Variants in ADGRV1 observed in about 807,000 individuals in gnomAD.
ADGRV1 encodes the protein adhesion G protein-coupled receptor V1.
Under a neutral mutation model 596.2 loss-of-function variants are expected in ADGRV1, and 359 were observed. That is an observed-to-expected ratio of 0.60 (90% CI 0.55 to 0.66). ADGRV1 has a LOEUF of 0.66. Among genes scored for constraint, ADGRV1 ranks in the 30% least tolerant of loss-of-function variants. The pLI, the probability that ADGRV1 is intolerant of heterozygous loss-of-function variation, is 0.00. For missense variants in ADGRV1, 7,274 were observed against 7,575.6 expected (o/e 0.96, Z 1.48); for synonymous variants, 2,681 against 2,679.2 (o/e 1.00, Z -0.02).
At chr5:90,764,499 A>G (rs1373704418) in intron 59 of ADGRV1, among the ~76,000 whole-genome samples, 1 of 152,206 alleles carries the variant, frequency 6.6e-6, no homozygotes, top group Non-Finnish European at 1.5e-5. Flanking sequence ...TGTGTCTGCA[A>G]CAGTCTAGAG....
chr5:91,126,305 C>T (rs1162499819), intron 87 of ADGRV1, among the ~76,000 whole-genome samples: 1 of 152,230 alleles, frequency 6.6e-6, no homozygotes, highest in African/African-American at 2.4e-5. Flanking sequence ...GTTAACACCT[C>T]AACCCAAACT....
intron 58 of ADGRV1, 142 bp downstream of exon 58, chr5:90,759,730 C>A (rs1019775916): frequency 2.7e-5 from 19 of 699,294 alleles, no homozygotes; most frequent in African/African-American, 7.1e-5. Context: ...CTTTGGGAGG[C>A]CGCAGCGGGC....
chr5:90,748,240 AGCTAAGC>A (rs1198889209), intron 52 of ADGRV1, among the ~76,000 whole-genome samples: 1 of 152,156 alleles, frequency 6.6e-6, no homozygotes, highest in Non-Finnish European at 1.5e-5. Flanking sequence ...CCATTCCTGG[AGCTAAGC>A]GTAGTAGATC....
At chr5:90,618,089 G>A in intron 3 of ADGRV1, 136 bp downstream of exon 3, 1 of 573,976 alleles carries the variant, frequency 1.7e-6, no homozygotes, top group East Asian at 3.0e-5. Context: ...ATAGAATCCA[G>A]AACTGACAAC....
chr5:90,844,702 C>G (rs1765712930), intron 78 of ADGRV1, among the ~76,000 whole-genome samples: 1 of 152,124 alleles, frequency 6.6e-6, no homozygotes, highest in Admixed American at 6.5e-5. Flanking sequence ...ATTTTTTGTT[C>G]TGAAACACTT....
rs1786106823 is a variant in ADGRV1, at chr5:91,049,267, G to C, written c.18153-23180G>C. On this transcript the variant is annotated intron_variant, in intron 85 of 89. Coordinates refer to ENST00000405460, the MANE Select transcript of ADGRV1 (RefSeq NM_032119.4). ...AAAGCTTGTGTTTGTTTATGGATTT[G>C]TCACTGGTTTATCCCCATAAATTCA... Among the ~76,000 whole-genome samples, 4 of 152,238 alleles carry C rather than the reference G, an allele frequency of 2.6e-5. No individual in the cohort carries two copies. In the South Asian group the frequency reaches 8.3e-4, roughly 32 times the overall value.
intron 9 of ADGRV1, among the ~76,000 whole-genome samples, chr5:90,630,895 T>G (rs957423107): frequency 6.6e-6 from 1 of 152,184 alleles, no homozygotes; most frequent in African/African-American, 2.4e-5. Flanking sequence ...TCTGTGCTTG[T>G]TTCACATCTG....
intron 72 of ADGRV1, among the ~76,000 whole-genome samples, chr5:90,806,691 T>C (rs1761931636): frequency 6.6e-6 from 1 of 152,172 alleles, no homozygotes; most frequent in Non-Finnish European, 1.5e-5. Context: ...TGAGTTTATG[T>C]TAACTTGATT....
At chr5:90,610,147 T>G (rs1025659785) in intron 1 of ADGRV1, among the ~76,000 whole-genome samples, 1 of 152,006 alleles carries the variant, frequency 6.6e-6, no homozygotes, top group Non-Finnish European at 1.5e-5. Flanking sequence ...GCCCATCATT[T>G]ATTTGAGTCA....
At chr5:90,669,106 G>T (rs1714097868) in intron 21 of ADGRV1, among the ~76,000 whole-genome samples, 1 of 152,164 alleles carries the variant, frequency 6.6e-6, no homozygotes, top group Non-Finnish European at 1.5e-5. Flanking sequence ...ATTTTCAGAG[G>T]AGACTGTGAA....
chr5:91,037,942 T>C (rs1189670645), intron 85 of ADGRV1, among the ~76,000 whole-genome samples: 1 of 152,222 alleles, frequency 6.6e-6, no homozygotes, highest in African/African-American at 2.4e-5. Flanking sequence ...CACACAATTA[T>C]TAAAATTATT....
chr5:91,143,965 A>G (rs1234527355), intron 87 of ADGRV1, among the ~76,000 whole-genome samples: 1 of 152,158 alleles, frequency 6.6e-6, no homozygotes, highest in Non-Finnish European at 1.5e-5. Context: ...GAGTGTGTGC[A>G]TGCCTGGCTG....
chr5:90,796,011 A>G (rs1299141085), intron 70 of ADGRV1, among the ~76,000 whole-genome samples: 1 of 152,196 alleles, frequency 6.6e-6, no homozygotes, highest in Non-Finnish European at 1.5e-5. Flanking sequence ...AAATCCACAA[A>G]GAGGGGGAGA....
At chr5:91,006,664 AAGAC>A (rs1379416773) in intron 85 of ADGRV1, among the ~76,000 whole-genome samples, 4 of 152,218 alleles carry the variant, frequency 2.6e-5, no homozygotes, top group Admixed American at 6.6e-5. Flanking sequence ...ATTCACAACA[AAGAC>A]AGAATCCTCA....
intron 84 of ADGRV1, among the ~76,000 whole-genome samples, chr5:90,977,908 C>G (rs939755485): frequency 7.2e-5 from 11 of 152,144 alleles, no homozygotes; most frequent in Non-Finnish European, 1.5e-5. Context: ...TCCGTTTCCT[C>G]CGGTGTAAAC....
At chr5:90,984,939 C>T (rs1271075441) in intron 84 of ADGRV1, among the ~76,000 whole-genome samples, 2 of 152,108 alleles carry the variant, frequency 1.3e-5, no homozygotes, top group African/African-American at 4.8e-5. Context: ...TAAAAATTGT[C>T]AAAAAGCTTG....
At chr5:90,835,625 T>C (rs891119400) in intron 77 of ADGRV1, among the ~76,000 whole-genome samples, 2 of 152,214 alleles carry the variant, frequency 1.3e-5, no homozygotes, top group Non-Finnish European at 2.9e-5. Flanking sequence ...AAGTACCTTA[T>C]CTTTAGGGCA....
intron 83 of ADGRV1, among the ~76,000 whole-genome samples, chr5:90,877,525 C>T (rs1769329061): frequency 6.6e-6 from 1 of 150,678 alleles, no homozygotes; most frequent in Non-Finnish European, 1.5e-5. Flanking sequence ...TTCTGTACTA[C>T]TGCGTATGGA....
intron 59 of ADGRV1, among the ~76,000 whole-genome samples, chr5:90,764,988 A>G (rs973812242): frequency 1.3e-5 from 2 of 152,056 alleles, no homozygotes; most frequent in Admixed American, 6.6e-5. Context: ...GGAGATTGTC[A>G]GAGGAGTGAG....
Sources: allele counts gnomAD v4.1 joint callset (sites outside exome capture counted in the v4.1 genomes callset), GRCh38; gene constraint gnomAD v4.1.1; transcripts MANE v1.5; gene names NCBI Gene and HGNC (gene_info 2026-07-23, HGNC 2026-07-21).